The following MARCHF1 variants were observed in gnomAD, a reference collection of about 807,000 sequenced individuals.
MARCHF1 encodes membrane associated ring-CH-type finger 1, also known as E3 ubiquitin-protein ligase MARCHF1.
Under a neutral mutation model 54.2 loss-of-function variants are expected in MARCHF1, and 40 were observed. The observed-to-expected ratio is 0.74, with a 90% CI of 0.57 to 0.96. The LOEUF is 0.96. Among genes scored for constraint, MARCHF1 ranks in the 40% least tolerant of loss-of-function variants. The probability of loss-of-function intolerance (pLI) is 0.00; values close to 1 mark genes in which losing one functional copy is unlikely to be tolerated. For missense variants in MARCHF1, 586 were observed against 656.5 expected (o/e 0.89, Z 1.17); for synonymous variants, 236 against 236.3 (o/e 1.00, Z 0.01).
At chr4:164,289,448 T>A (rs1300272008) in intron 1 of MARCHF1, among the ~76,000 whole-genome samples, 1 of 151,988 alleles carries the variant, frequency 6.6e-6, no homozygotes, top group African/African-American at 2.4e-5. Flanking sequence ...ACTTTCATAA[T>A]CATTATGAAA....
At chr4:164,239,423 A>T (rs7697264) in intron 1 of MARCHF1, among the ~76,000 whole-genome samples, 144,902 of 152,206 alleles carry the variant, frequency 0.95, 69,046 homozygotes, top group East Asian at 0.99. Flanking sequence ...TATAGATTAT[A>T]TTTATTCAGA....
At chr4:163,753,188 A>T (rs540883633) in intron 4 of MARCHF1, among the ~76,000 whole-genome samples, 2 of 152,244 alleles carry the variant, frequency 1.3e-5, no homozygotes, top group South Asian at 2.1e-4. Context: ...GGTTTTAAAA[A>T]TTTCAAATTT....
chr4:163,630,497 T>A (rs1029717737), intron 5 of MARCHF1, among the ~76,000 whole-genome samples: 2 of 152,190 alleles, frequency 1.3e-5, no homozygotes, highest in Non-Finnish European at 2.9e-5. Context: ...TACGTCTTGA[T>A]TGCAGCAGAG....
chr4:164,099,715 TA>T (rs979438471), intron 2 of MARCHF1, among the ~76,000 whole-genome samples: 10 of 152,086 alleles, frequency 6.6e-5, no homozygotes, highest in African/African-American at 1.9e-4. Flanking sequence ...TTGTCATGCT[TA>T]AAAAAACCTT....
At chr4:163,997,150 G>T (rs190977970) in intron 2 of MARCHF1, among the ~76,000 whole-genome samples, 18 of 152,002 alleles carry the variant, frequency 1.2e-4, no homozygotes, top group Admixed American at 6.6e-4. Context: ...TGCAGTGAGG[G>T]CCAAGAGCAG....
chr4:164,177,882 A>G (rs1730732250), intron 1 of MARCHF1, among the ~76,000 whole-genome samples: 1 of 152,118 alleles, frequency 6.6e-6, no homozygotes, highest in African/African-American at 2.4e-5. Context: ...CTAAAAGTGT[A>G]CTTCTGCATG....
At chr4:163,810,652 T>C (rs1748358044) in intron 4 of MARCHF1, among the ~76,000 whole-genome samples, 1 of 152,180 alleles carries the variant, frequency 6.6e-6, no homozygotes, top group Non-Finnish European at 1.5e-5. Flanking sequence ...AAACAATCAT[T>C]GAGAGTGCTG....
In MARCHF1 at chr4:164,351,420, T is replaced by G. The variant is rs58145164; in HGVS notation, c.-323+32450A>C. 4.7e-5 allele frequency among the ~76,000 whole-genome samples: 7 copies of G among 147,632 alleles called. No homozygotes were observed. The East Asian group carries it at 6.0e-4, about 13-fold the overall frequency. On this transcript the variant is annotated intron_variant, in intron 1 of 9. Coordinates refer to ENST00000514618, the MANE Select transcript of MARCHF1 (RefSeq NM_001394959.1). ...CAGCAGGCAGCTGGAGATCTGAGAA[T>G]GGGCAGACTGCCTCCTCAAGTGGGT...
At chr4:163,729,329 T>C (rs551110410) in intron 4 of MARCHF1, among the ~76,000 whole-genome samples, 16 of 152,096 alleles carry the variant, frequency 1.1e-4, no homozygotes, top group Non-Finnish European at 2.4e-4. Flanking sequence ...TCTACTTCTA[T>C]CTCCTGGAAG....
At chr4:164,165,875 A>C (rs1297951258) in intron 1 of MARCHF1, among the ~76,000 whole-genome samples, 1 of 151,988 alleles carries the variant, frequency 6.6e-6, no homozygotes, top group African/African-American at 2.4e-5. Flanking sequence ...ACAAGTAGTC[A>C]GTGGGTCACC....
chr4:164,168,073 C>T (rs867021946), intron 1 of MARCHF1, among the ~76,000 whole-genome samples: 3 of 151,802 alleles, frequency 2.0e-5, no homozygotes, highest in Middle Eastern at 6.8e-3. Context: ...AACTCGATAG[C>T]AAAAAACCAA....
Position 164,071,623 on chromosome 4 carries a change from T to C in MARCHF1, c.-248+39965A>G, listed in dbSNP as rs376829840. ...ACAGTTCCCCAATTAATTCAACTTG[T>C]CATAAGGAATACTTAAAATTTTGTT... is the stretch of plus-strand genomic sequence containing the variant. On this transcript the variant is annotated intron_variant, in intron 2 of 9. Transcript: ENST00000514618. 1.5e-4 allele frequency among the ~76,000 whole-genome samples: 23 copies of C among 152,298 alleles called. No individual in the cohort carries two copies. In the East Asian group the frequency reaches 4.1e-3, roughly 27 times the overall value.
chr4:163,639,056 T>C (rs576507774), intron 5 of MARCHF1, among the ~76,000 whole-genome samples: 14 of 152,236 alleles, frequency 9.2e-5, no homozygotes, highest in African/African-American at 3.4e-4. Context: ...GGAGTTATTG[T>C]TTAATGGGTA....
intron 3 of MARCHF1, among the ~76,000 whole-genome samples, chr4:163,899,668 T>C (rs1444029426): frequency 6.6e-6 from 1 of 152,002 alleles, no homozygotes; most frequent in Non-Finnish European, 1.5e-5. Context: ...GACCTTCAGA[T>C]CTATATTTAC....
At chr4:163,873,698 T>C (rs936954649) in intron 3 of MARCHF1, among the ~76,000 whole-genome samples, 4 of 152,164 alleles carry the variant, frequency 2.6e-5, no homozygotes, top group African/African-American at 9.7e-5. Context: ...AAAAAAACAG[T>C]ATGACAAAAA....
intron 1 of MARCHF1, among the ~76,000 whole-genome samples, chr4:164,381,170 GC>G (rs1214279720): frequency 2.0e-5 from 3 of 152,098 alleles, no homozygotes; most frequent in Admixed American, 6.6e-5. Context: ...CTTTATTTTT[GC>G]CCTATAATGC....
intron 4 of MARCHF1, among the ~76,000 whole-genome samples, chr4:163,767,098 T>TAAAAAAAAAA (rs530799338): frequency 5.6e-5 from 6 of 106,676 alleles, no homozygotes; most frequent in Non-Finnish European, 1.1e-4. Context: ...TACGGCGATG[T>TAAAAAAAAAA]AAAAAAAAAA....
intron 3 of MARCHF1, among the ~76,000 whole-genome samples, chr4:163,918,435 A>G (rs188706647): frequency 1.2e-3 from 187 of 152,274 alleles, no homozygotes; most frequent in Non-Finnish European, 1.9e-3. Context: ...GGAGAGAAAT[A>G]TATGGAGGCA....
chr4:164,230,300 CAG>C (rs1057452581), intron 1 of MARCHF1, among the ~76,000 whole-genome samples: 1 of 151,414 alleles, frequency 6.6e-6, no homozygotes, highest in African/African-American at 2.4e-5. Context: ...GAGGCTGACA[CAG>C]GAGAATCACT....
Sources: gnomAD v4.1 joint callset for allele counts (sites outside exome capture counted in the v4.1 genomes callset) on GRCh38, gnomAD v4.1.1 for gene constraint, MANE v1.5 for transcripts, NCBI Gene and HGNC (gene_info 2026-07-23, HGNC 2026-07-21) for gene names.